The following MOK variants were observed in gnomAD, a reference collection of about 807,000 sequenced individuals.
The protein encoded by MOK is MAPK/MAK/MRK overlapping kinase.
MOK carries 59 observed loss-of-function variants against 54.2 expected under a neutral mutation model. That is an observed-to-expected ratio of 1.09 (90% CI 0.88 to 1.35). MOK has a LOEUF of 1.35. MOK is among the 40% of genes most tolerant of loss of function. The pLI, the probability that MOK is intolerant of heterozygous loss-of-function variation, is 0.00. For missense variants in MOK, 517 were observed against 526.2 expected (o/e 0.98, Z 0.17); for synonymous variants, 210 against 202.7 (o/e 1.04, Z -0.31).
intron 1 of MOK, among the ~76,000 whole-genome samples, chr14:102,303,282 C>G (rs1035172080): frequency 1.3e-5 from 2 of 152,192 alleles, no homozygotes; most frequent in Admixed American, 6.5e-5. Context: ...CTGACAGAGA[C>G]ACAACGTTGC....
At chr14:102,243,805 T>C (rs2153100892) in intron 7 of MOK, among the ~76,000 whole-genome samples, 1 of 152,360 alleles carries the variant, frequency 6.6e-6, no homozygotes. Context: ...CTGATCACAC[T>C]TGGTTTATCC....
intron 7 of MOK, among the ~76,000 whole-genome samples, chr14:102,241,917 TGGCCACTG>T (rs979743547): frequency 6.6e-5 from 10 of 152,236 alleles, no homozygotes; most frequent in African/African-American, 2.4e-4. Flanking sequence ...GCCGGAAATC[TGGCCACTG>T]GGCCAAGAAA....
chr14:102,231,766 G>A lies in MOK; in HGVS notation c.922C>T (p.Pro308Ser), dbSNP rs750096165. 5 of 1,612,436 alleles carry A rather than the reference G, an allele frequency of 3.1e-6. No homozygotes were observed. The highest frequency in any genetic ancestry group is 1.7e-6 in the Non-Finnish European group (2 of 1,179,556). ...TTACTGAGTGGTTCCGGTGCCACAG[G>A]GTGCTCCGGAAAGCCAGCTTTTCTG... ...SHRKAGFPEH[P>S]VAPEPLSNSC... Residue 308 changes from proline (P) to serine (S), a missense_variant, in exon 10 of 12, where the codon CCT becomes TCT. Transcript: ENST00000361847. The surrounding 1 kb of genome is among the most constrained non-coding windows in gnomAD (Gnocchi z 4.4).
At chr14:102,289,709 C>T (rs555611018) in intron 1 of MOK, among the ~76,000 whole-genome samples, 2 of 151,892 alleles carry the variant, frequency 1.3e-5, no homozygotes, top group African/African-American at 4.8e-5. Flanking sequence ...AGGCTGGTCT[C>T]GAACTCCTAA....
chr14:102,228,593 A>C (rs1170200945), downstream of MOK, among the ~76,000 whole-genome samples: 1 of 151,140 alleles, frequency 6.6e-6, no homozygotes, highest in Non-Finnish European at 1.5e-5. Flanking sequence ...CCAGCTACTT[A>C]GAGGCTGAGG....
chr14:102,247,289 T>C (rs1341896148), intron 7 of MOK: 14 of 152,156 alleles, frequency 9.2e-5, no homozygotes, highest in Non-Finnish European at 2.9e-5. Flanking sequence ...AAACAGTACA[T>C]CTTTTTAGCA....
At position 102,236,065 on chromosome 14, in the gene MOK, G is replaced by A. The variant is rs1227167920; in HGVS notation, c.591-2276C>T. ...TATCCTAACCCTTGAGTGCCAAAGA[G>A]TCCTTGTCCAGTGTGCCAGCAGACA... On this transcript the variant is annotated intron_variant, in intron 7 of 11. Coordinates refer to ENST00000361847, the MANE Select transcript of MOK (RefSeq NM_014226.3). The surrounding 1 kb of genome is among the most constrained non-coding windows in gnomAD (Gnocchi z 4.5). 1.3e-5 allele frequency among the ~76,000 whole-genome samples: 2 copies of A among 152,204 alleles called. No individual in the cohort carries two copies. Among genetic ancestry groups the A allele is most frequent in the Non-Finnish European group, 2.9e-5 (2 of 68,048 alleles).
Position 102,305,040 on chromosome 14 carries a change from C to A in MOK, c.-72G>T. On this transcript the variant is annotated 5_prime_UTR_variant, in exon 1 of 12. Transcript: ENST00000361847. ...AAAGAAAGAAGCAGGAAGGTTGTCCCCCTGCTTTCCACTTCCCTGAGGCGG... is the reference window on the plus strand; with the variant it reads ...AAAGAAAGAAGCAGGAAGGTTGTCCACCTGCTTTCCACTTCCCTGAGGCGG... 6.5e-7 allele frequency: 1 copy of A among 1,547,648 alleles called. No homozygotes were observed. The highest frequency in any genetic ancestry group is 8.8e-7 in the Non-Finnish European group (1 of 1,134,752).
downstream of MOK, among the ~76,000 whole-genome samples, chr14:102,220,713 C>T (rs1260630381): frequency 1.0e-5 from 1 of 95,630 alleles, no homozygotes; most frequent in African/African-American, 4.2e-5. This position sits in a 1 kb window ranked among gnomAD's most constrained non-coding sequence, Gnocchi z 4.2. Context: ...AAGTGAGACT[C>T]CGTCTCAAAA....
intron 4 of MOK, among the ~76,000 whole-genome samples, chr14:102,256,375 T>G (rs2066950254): frequency 6.6e-6 from 1 of 151,258 alleles, no homozygotes; most frequent in African/African-American, 2.4e-5. Flanking sequence ...CCATCCTGGC[T>G]AACACGGTGA....
chr14:102,259,087 T>C (rs1255180386), intron 4 of MOK, among the ~76,000 whole-genome samples: 1 of 151,166 alleles, frequency 6.6e-6, no homozygotes, highest in African/African-American at 2.4e-5. Context: ...AAAAAAAGAC[T>C]ATATACTCTT....
chr14:102,239,694 C>G (rs1440927710), intron 7 of MOK, among the ~76,000 whole-genome samples: 2 of 152,136 alleles, frequency 1.3e-5, no homozygotes, highest in Non-Finnish European at 2.9e-5. Context: ...CATGGTGAAA[C>G]CCCTTCTCTA....
At chr14:102,259,854 G>T (rs2067244363) in intron 4 of MOK, among the ~76,000 whole-genome samples, 1 of 151,858 alleles carries the variant, frequency 6.6e-6, no homozygotes, top group African/African-American at 2.4e-5. Context: ...GACCATCCTG[G>T]CCAACATGGT....
intron 1 of MOK, 78 bp downstream of exon 1, chr14:102,304,884 G>C (rs2072616532): frequency 6.7e-7 from 1 of 1,494,196 alleles, no homozygotes; most frequent in African/African-American, 1.4e-5. Context: ...GGCCCCTCAA[G>C]CTCCTCAAGC....
intron 3 of MOK, among the ~76,000 whole-genome samples, chr14:102,265,034 T>C (rs2067786236): frequency 6.6e-6 from 1 of 152,262 alleles, no homozygotes; most frequent in Non-Finnish European, 1.5e-5. Flanking sequence ...GTGCTCTGCC[T>C]TTTTGAATGA....
At chr14:102,261,333 C>T (rs1386553185) in intron 4 of MOK, among the ~76,000 whole-genome samples, 2 of 116,592 alleles carry the variant, frequency 1.7e-5, no homozygotes, top group African/African-American at 6.8e-5. Flanking sequence ...GCAGTAGAAT[C>T]TCTTGAACCT....
intron 4 of MOK, among the ~76,000 whole-genome samples, chr14:102,257,482 C>A (rs905524585): frequency 2.0e-5 from 3 of 152,168 alleles, no homozygotes; most frequent in Non-Finnish European, 4.4e-5. Context: ...CACAGAGTAA[C>A]CCCTCTTGAG....
chr14:102,215,675 G>A, the MOK span, among the ~76,000 whole-genome samples: 1 of 152,098 alleles, frequency 6.6e-6, no homozygotes, highest in Non-Finnish European at 1.5e-5. Flanking sequence ...AGAGTTCATT[G>A]TCTGCCTACT....
chr14:102,232,676 TTAA>T lies in MOK; in HGVS notation c.722_724del (p.Phe241_Lys242delinsTer). ...TAGTAGAGGTATTCCTGATCCCTTT[TTAA>T]AAGGAAAATCAAAATTCATAGCTCT... On this transcript the variant is annotated stop_gained and inframe_deletion, in exon 9 of 12. Transcript: ENST00000361847. LOFTEE classifies it high-confidence loss of function. This position sits in a 1 kb window ranked among gnomAD's most constrained non-coding sequence, Gnocchi z 5.1. 1 of 1,613,736 alleles carries T rather than the reference TTAA, an allele frequency of 6.2e-7. No individual in the cohort carries two copies. Among genetic ancestry groups the T allele is most frequent in the East Asian group, 2.2e-5 (1 of 44,872 alleles).
Sources: allele counts gnomAD v4.1 joint callset (sites outside exome capture counted in the v4.1 genomes callset), GRCh38; gene constraint gnomAD v4.1.1; non-coding constraint Gnocchi (gnomAD v3.1); transcripts MANE v1.5; gene names NCBI Gene and HGNC (gene_info 2026-07-23, HGNC 2026-07-21).